FOXP2: variants seen among roughly 807,000 people sequenced by gnomAD.
FOXP2 encodes the protein forkhead box P2, also known as forkhead box protein P2.
In FOXP2, 12 loss-of-function variants were observed where a neutral mutation model predicts 115.8. The observed-to-expected ratio is 0.10, with a 90% CI of 0.07 to 0.17. The LOEUF is 0.17. Among genes scored for constraint, FOXP2 ranks in the 10% least tolerant of loss-of-function variants. The pLI is 1.00. For synonymous variants in FOXP2, 328 were observed against 297.7 expected (o/e 1.10, Z -1.05); for missense variants, 629 against 843.5 (o/e 0.75, Z 3.15).
At chr7:114,657,391 A>G (rs1806644933) in intron 10 of FOXP2, among the ~76,000 whole-genome samples, 1 of 152,182 alleles carries the variant, frequency 6.6e-6, no homozygotes, top group Non-Finnish European at 1.5e-5. Flanking sequence ...TTGACATTTC[A>G]TTATATTTGT....
chr7:114,632,519 A>T (rs901842146), intron 6 of FOXP2, among the ~76,000 whole-genome samples: 1 of 152,202 alleles, frequency 6.6e-6, no homozygotes, highest in Non-Finnish European at 1.5e-5. Flanking sequence ...TTTTGTTGGG[A>T]CAAACATTAA....
intron 1 of FOXP2, among the ~76,000 whole-genome samples, chr7:114,248,061 C>T (rs899351614): frequency 6.6e-6 from 1 of 151,936 alleles, no homozygotes; most frequent in South Asian, 2.1e-4. Context: ...TGGTGTCATG[C>T]CAGGTCTAAT....
intron 1 of FOXP2, among the ~76,000 whole-genome samples, chr7:114,246,948 T>C (rs1319365430): frequency 1.3e-5 from 2 of 152,216 alleles, no homozygotes; most frequent in Non-Finnish European, 2.9e-5. Flanking sequence ...CATAGAATTG[T>C]CTTTTCAGGA....
At chr7:114,670,815 G>A (rs1361430289) in intron 16 of FOXP2, among the ~76,000 whole-genome samples, 1 of 152,026 alleles carries the variant, frequency 6.6e-6, no homozygotes, top group East Asian at 1.9e-4. Flanking sequence ...TGAAATTGGA[G>A]TGGCTCTGTA....
intron 1 of FOXP2, among the ~76,000 whole-genome samples, chr7:114,104,559 G>A (rs1791066004): frequency 6.6e-6 from 1 of 151,962 alleles, no homozygotes; most frequent in Admixed American, 6.6e-5. Context: ...ACATTTTGTA[G>A]TCTTTATTTC....
Position 114,386,076 on chromosome 7 carries a change from G to A in FOXP2, c.-10-40426G>A, listed in dbSNP as rs560425301. Among the ~76,000 whole-genome samples the A allele has an allele frequency of 2.0e-5, 3 of 152,330 alleles. No homozygotes were observed. In the South Asian group the frequency reaches 6.2e-4, roughly 32 times the overall value. On this transcript the variant is annotated intron_variant, in intron 2 of 17. Transcript: ENST00000634411. ...CAAGCCTTTAGCATGATCGGGAGTGGCAATGGGAGTCTCGCCGTATCAGGA... is the reference window on the plus strand; with the variant it reads ...CAAGCCTTTAGCATGATCGGGAGTGACAATGGGAGTCTCGCCGTATCAGGA...
rs755686269 is a variant in FOXP2 at position 114,471,962 on chromosome 7, G to GA, written c.168+45299dup. 4.4e-3 allele frequency among the ~76,000 whole-genome samples: 534 copies of GA among 120,588 alleles called. 1 individual carries two copies. The highest frequency in any genetic ancestry group is 6.5e-3 in the African/African-American group (207 of 31,876). 79.1% of individuals were successfully genotyped at this position (120,588 alleles called of 152,430 possible). A position where few individuals can be genotyped will look rare whatever the true frequency, so the allele number is the denominator to read the frequency against. On this transcript the variant is annotated intron_variant, in intron 2 of 16. Coordinates refer to ENST00000350908, the MANE Select transcript of FOXP2 (RefSeq NM_014491.4). ...GCAACTGAGTGAAACTCCATCTCAG[G>GA]AAAAAAAAAAAAAAAAGAAAGACTT...
At chr7:114,612,813 T>C (rs1803705061) in intron 3 of FOXP2, among the ~76,000 whole-genome samples, 1 of 152,236 alleles carries the variant, frequency 6.6e-6, no homozygotes, top group Non-Finnish European at 1.5e-5. Context: ...ATTTCCATAG[T>C]GTTCTTGAAG....
In FOXP2 at chr7:114,457,707, C is replaced by A. The variant is rs370501609; in HGVS notation, c.168+31028C>A. ...AGGTCAGGAGATCGAGACCATCCTG[C>A]CTAACATGGTGAAACCCCGTCTCTA... is the stretch of plus-strand genomic sequence containing the variant. On this transcript the variant is annotated intron_variant, in intron 2 of 16. Coordinates refer to ENST00000350908, the MANE Select transcript of FOXP2 (RefSeq NM_014491.4). 6.6e-5 allele frequency among the ~76,000 whole-genome samples: 10 copies of A among 151,946 alleles called. No individual in the cohort carries two copies. In the South Asian group the frequency reaches 1.9e-3, roughly 28 times the overall value.
At chr7:114,118,810 C>T (rs1430214284) in intron 1 of FOXP2, among the ~76,000 whole-genome samples, 1 of 152,016 alleles carries the variant, frequency 6.6e-6, no homozygotes, top group Non-Finnish European at 1.5e-5. Context: ...CAGAGGTTTG[C>T]ACACAATGCT....
At position 114,463,255 on chromosome 7, in the gene FOXP2, G is replaced by A. The variant is rs76781504; in HGVS notation, c.168+36576G>A. The A allele has an allele frequency of 2.7e-4, 59 of 215,622 alleles. No homozygotes were observed. In the East Asian group the frequency reaches 9.6e-3, roughly 35 times the overall value. The allele number at this position is 215,622 out of a possible 1,614,324, so 13.4% of individuals were successfully genotyped here. A position where few individuals can be genotyped will look rare whatever the true frequency, so the allele number is the denominator to read the frequency against. On this transcript the variant is annotated intron_variant, in intron 2 of 16. Coordinates refer to ENST00000350908, the MANE Select transcript of FOXP2 (RefSeq NM_014491.4). The stretch of plus-strand genomic sequence containing the variant: ...ATGATTAGTATATGTAGAAATTTCG[G>A]AGGAGAAAACTATATTTGAAGAAAA...
At chr7:114,265,222 G>A (rs1795866967) in intron 1 of FOXP2, among the ~76,000 whole-genome samples, 1 of 152,086 alleles carries the variant, frequency 6.6e-6, no homozygotes, top group Non-Finnish European at 1.5e-5. Flanking sequence ...CAAAACAAGT[G>A]ATTTACTTCC....
intron 8 of FOXP2, among the ~76,000 whole-genome samples, chr7:114,646,357 G>A (rs1462023258): frequency 6.6e-6 from 1 of 151,870 alleles, no homozygotes; most frequent in Admixed American, 6.6e-5. Flanking sequence ...TTTGTTTATA[G>A]CAAATTGAAA....
intron 1 of FOXP2, among the ~76,000 whole-genome samples, chr7:114,263,297 A>G (rs1254218717): frequency 2.0e-5 from 3 of 150,774 alleles, no homozygotes; most frequent in African/African-American, 7.3e-5. Flanking sequence ...AATCTGGTCA[A>G]TCATAAACAC....
chr7:114,530,035 T>C (rs947682666), intron 2 of FOXP2, among the ~76,000 whole-genome samples: 1 of 151,920 alleles, frequency 6.6e-6, no homozygotes, highest in Non-Finnish European at 1.5e-5. Context: ...TATATGAATA[T>C]GAGGAACAAA....
intron 1 of FOXP2, among the ~76,000 whole-genome samples, chr7:114,214,975 A>C (rs1205138706): frequency 6.6e-6 from 1 of 152,176 alleles, no homozygotes; most frequent in Non-Finnish European, 1.5e-5. Flanking sequence ...TCAGCTTTTT[A>C]AAGCATTTTG....
intron 2 of FOXP2, among the ~76,000 whole-genome samples, chr7:114,429,794 G>A (rs573876828): frequency 6.1e-4 from 93 of 151,620 alleles, no homozygotes; most frequent in Middle Eastern, 3.4e-3. Context: ...ATGTAAAACA[G>A]AGTATTTGAA....
intron 1 of FOXP2, among the ~76,000 whole-genome samples, chr7:114,423,706 A>T (rs1323870620): frequency 1.3e-5 from 2 of 151,686 alleles, no homozygotes; most frequent in Non-Finnish European, 1.5e-5. Context: ...ATTATTTAAA[A>T]TATACTTAAA....
chr7:114,109,669 A>T (rs1398857125), intron 1 of FOXP2, among the ~76,000 whole-genome samples: 1 of 152,070 alleles, frequency 6.6e-6, no homozygotes, highest in East Asian at 1.9e-4. Context: ...TTTCATTCCA[A>T]CTTTAGCTTT....
Sources: allele counts gnomAD v4.1 joint callset (sites outside exome capture counted in the v4.1 genomes callset), GRCh38; gene constraint gnomAD v4.1.1; transcripts MANE v1.5; gene names NCBI Gene and HGNC (gene_info 2026-07-23, HGNC 2026-07-21).